SGCZ: variants seen among roughly 807,000 people sequenced by gnomAD.
SGCZ encodes the protein sarcoglycan zeta, also known as zeta-sarcoglycan.
In SGCZ, 40 loss-of-function variants were observed where a neutral mutation model predicts 41.3. The observed-to-expected ratio is 0.97, with a 90% confidence interval of 0.75 to 1.26. The LOEUF (loss-of-function observed/expected upper bound fraction) is 1.26. Among genes scored for constraint, SGCZ ranks in the 50% most tolerant of loss-of-function variants. SGCZ has a pLI of 0.00. For missense variants in SGCZ, 552 were observed against 369.8 expected, an observed-to-expected ratio of 1.49 and a Z score of -4.04; for synonymous variants, 206 against 137.5, an observed-to-expected ratio of 1.50 and a Z score of -3.49.
At chr8:14,688,724 G>T (rs376309656) in intron 1 of SGCZ, among the ~76,000 whole-genome samples, 56 of 152,126 alleles carry the variant, frequency 3.7e-4, no homozygotes, top group Non-Finnish European at 5.4e-4. Context: ...TTTTCCAATT[G>T]TGTGAAGAAA....
chr8:14,382,300 G>A (rs10101982), intron 2 of SGCZ, among the ~76,000 whole-genome samples: 19,775 of 151,926 alleles, frequency 0.13, 2,942 homozygotes, highest in African/African-American at 0.36. Flanking sequence ...TAGAGATTTC[G>A]GTCTGCACCA....
intron 1 of SGCZ, among the ~76,000 whole-genome samples, chr8:14,865,395 A>G (rs1803893934): frequency 6.6e-6 from 1 of 151,956 alleles, no homozygotes; most frequent in Admixed American, 6.6e-5. Flanking sequence ...TCTACCATAG[A>G]AAGCCAAAGA....
chr8:14,927,310 A>T (rs1799786823), intron 1 of SGCZ, among the ~76,000 whole-genome samples: 1 of 151,122 alleles, frequency 6.6e-6, no homozygotes, highest in Non-Finnish European at 1.5e-5. Flanking sequence ...GGGGTTTCAC[A>T]GTGTTAGCCA....
intron 2 of SGCZ, among the ~76,000 whole-genome samples, chr8:14,377,203 G>A (rs1299441589): frequency 6.6e-6 from 1 of 152,170 alleles, no homozygotes; most frequent in Non-Finnish European, 1.5e-5. Context: ...TAATCACCAA[G>A]AGCCAATGAT....
chr8:15,022,995 A>C (rs79461098), intron 1 of SGCZ, among the ~76,000 whole-genome samples: 1 of 152,092 alleles, frequency 6.6e-6, no homozygotes, highest in Admixed American at 6.5e-5. Context: ...ATACTAAATG[A>C]CCTTAAACTA....
intron 1 of SGCZ, among the ~76,000 whole-genome samples, chr8:15,166,813 G>C (rs1382124867): frequency 6.6e-6 from 1 of 152,106 alleles, no homozygotes; most frequent in Non-Finnish European, 1.5e-5. Flanking sequence ...ATGAGTTATA[G>C]AACATTAACA....
At chr8:14,607,142 G>C (rs1051019887) in intron 1 of SGCZ, among the ~76,000 whole-genome samples, 5 of 151,950 alleles carry the variant, frequency 3.3e-5, no homozygotes, top group Admixed American at 6.6e-5. Context: ...CTTTTATCTT[G>C]TGAACTTACT....
At chr8:15,141,632 G>A (rs1466044788) in intron 1 of SGCZ, among the ~76,000 whole-genome samples, 1 of 152,150 alleles carries the variant, frequency 6.6e-6, no homozygotes, top group African/African-American at 2.4e-5. Context: ...ATCCATGCAC[G>A]GTGGCTCACG....
chr8:14,815,300 T>C (rs1801869623), intron 1 of SGCZ, among the ~76,000 whole-genome samples: 1 of 152,074 alleles, frequency 6.6e-6, no homozygotes, highest in Non-Finnish European at 1.5e-5. Context: ...GAAAAATTTG[T>C]TTCATAACCC....
At chr8:14,188,581 G>A (rs533471360) in intron 4 of SGCZ, among the ~76,000 whole-genome samples, 5 of 152,196 alleles carry the variant, frequency 3.3e-5, no homozygotes, top group Admixed American at 2.6e-4. Context: ...AGGGTTCAGA[G>A]TTTCTTCTGG....
At chr8:14,677,505 C>G (rs373552601) in intron 1 of SGCZ, among the ~76,000 whole-genome samples, 6 of 152,100 alleles carry the variant, frequency 3.9e-5, no homozygotes, top group East Asian at 3.9e-4. Context: ...GGCGGGGTGG[C>G]TCACACCTGT....
chr8:15,188,169 C>T (rs773482232), intron 1 of SGCZ, among the ~76,000 whole-genome samples: 1 of 151,968 alleles, frequency 6.6e-6, no homozygotes, highest in African/African-American at 2.4e-5. Context: ...CATCATAGTT[C>T]ATTCATTGGA....
intron 1 of SGCZ, among the ~76,000 whole-genome samples, chr8:14,739,314 A>G (rs935671577): frequency 6.6e-5 from 10 of 152,062 alleles, no homozygotes; most frequent in African/African-American, 2.4e-4. Flanking sequence ...ATGCCATCCA[A>G]TGTTTCATTA....
intron 4 of SGCZ, among the ~76,000 whole-genome samples, chr8:14,208,618 T>C (rs1414828325): frequency 6.6e-6 from 1 of 152,196 alleles, no homozygotes; most frequent in East Asian, 1.9e-4. Context: ...TCAGACATTT[T>C]TCTTTTTTTT....
At chr8:14,104,011 C>G (rs1036786871) in intron 6 of SGCZ, among the ~76,000 whole-genome samples, 2 of 152,166 alleles carry the variant, frequency 1.3e-5, no homozygotes, top group African/African-American at 4.8e-5. Context: ...TGTTGTCCCA[C>G]TTCTCTCTTG....
intron 1 of SGCZ, among the ~76,000 whole-genome samples, chr8:15,133,367 A>T (rs1464850769): frequency 6.6e-6 from 1 of 152,176 alleles, no homozygotes; most frequent in Non-Finnish European, 1.5e-5. Context: ...CTCAAACATC[A>T]GTGAAGCTAG....
At chr8:14,803,678 G>C (rs941712265) in intron 1 of SGCZ, among the ~76,000 whole-genome samples, 11 of 151,988 alleles carry the variant, frequency 7.2e-5, no homozygotes, top group African/African-American at 2.7e-4. Flanking sequence ...GCCCAGGCTT[G>C]CTTAGGTAAA....
At chr8:15,118,731 G>GA (rs1037348180) in intron 1 of SGCZ, among the ~76,000 whole-genome samples, 139 of 150,610 alleles carry the variant, frequency 9.2e-4, no homozygotes, top group Middle Eastern at 6.9e-3. Context: ...GGTATATTAG[G>GA]AAAAAAAAAT....
chr8:15,230,999 T>C (rs1362472105), intron 1 of SGCZ, among the ~76,000 whole-genome samples: 1 of 152,188 alleles, frequency 6.6e-6, no homozygotes, highest in Non-Finnish European at 1.5e-5. Context: ...CAAGTACTAC[T>C]CTAACCAGAT....
Sources: allele counts gnomAD v4.1 joint callset (sites outside exome capture counted in the v4.1 genomes callset), GRCh38; gene constraint gnomAD v4.1.1; transcripts MANE v1.5; gene names NCBI Gene and HGNC (gene_info 2026-07-23, HGNC 2026-07-21).